The following PRR16 variants were observed in gnomAD, a reference collection of about 807,000 sequenced individuals.
The protein encoded by PRR16 is protein Largen.
A neutral mutation model predicts 18.2 loss-of-function variants in PRR16; 6 were observed. The observed-to-expected ratio is 0.33, with a 90% CI of 0.18 to 0.65. The LOEUF (loss-of-function observed/expected upper bound fraction) is 0.65, where lower values mean the gene tolerates loss of function less well. Among genes scored for constraint, PRR16 ranks in the 30% least tolerant of loss-of-function variants. PRR16 has a pLI of 0.74. For missense variants in PRR16, 412 were observed against 376.6 expected, an observed-to-expected ratio of 1.09 and a Z score of -0.78; for synonymous variants, 151 against 147.8, an observed-to-expected ratio of 1.02 and a Z score of -0.16.
the PRR16 span, among the ~76,000 whole-genome samples, chr5:120,725,302 GT>G: frequency 0.69 from 94,353 of 136,066 alleles, 32,971 homozygotes; most frequent in Non-Finnish European, 0.78. Flanking sequence ...ATTTGATGTT[GT>G]TTTTTTTTTT....
intron 1 of PRR16, among the ~76,000 whole-genome samples, chr5:120,500,535 A>G (rs1750414277): frequency 6.6e-6 from 1 of 152,224 alleles, no homozygotes; most frequent in Admixed American, 6.5e-5. Flanking sequence ...TGTATTTGAT[A>G]ATGAAGACAT....
At chr5:120,634,432 T>C (rs1374223340) in intron 1 of PRR16, among the ~76,000 whole-genome samples, 3 of 152,028 alleles carry the variant, frequency 2.0e-5, no homozygotes, top group Admixed American at 6.6e-5. Context: ...TCAATTGAGG[T>C]GAGGAGCTCA....
chr5:120,636,162 T>G (rs1755220483), intron 1 of PRR16, among the ~76,000 whole-genome samples: 1 of 152,112 alleles, frequency 6.6e-6, no homozygotes, highest in Non-Finnish European at 1.5e-5. Flanking sequence ...ACCATACTCC[T>G]GAATGGGTAG....
chr5:120,559,957 A>G (rs1391940530), intron 1 of PRR16, among the ~76,000 whole-genome samples: 1 of 151,996 alleles, frequency 6.6e-6, no homozygotes, highest in African/African-American at 2.4e-5. Context: ...ATTGGCATAT[A>G]GAAATGCTGA....
chr5:120,603,089 G>A (rs1344784962), intron 1 of PRR16, among the ~76,000 whole-genome samples: 1 of 152,002 alleles, frequency 6.6e-6, no homozygotes, highest in Admixed American at 6.6e-5. Context: ...GAATGAGGTG[G>A]GGAGGAGTTC....
the PRR16 span, among the ~76,000 whole-genome samples, chr5:120,784,029 A>G: frequency 6.6e-6 from 1 of 152,284 alleles, no homozygotes; most frequent in East Asian, 1.9e-4. Context: ...CCATGTAATT[A>G]CAAAGGATAT....
intron 1 of PRR16, among the ~76,000 whole-genome samples, chr5:120,646,048 T>TATATA (rs1755584808): frequency 1.9e-4 from 20 of 104,994 alleles, no homozygotes; most frequent in Admixed American, 1.7e-3. Context: ...AATACATATT[T>TATATA]TATATATATA....
At chr5:120,526,484 C>T (rs528602150) in intron 1 of PRR16, among the ~76,000 whole-genome samples, 48 of 152,220 alleles carry the variant, frequency 3.2e-4, no homozygotes, top group African/African-American at 1.1e-3. Context: ...CTGGCAATAA[C>T]ATGAATTATT....
intron 1 of PRR16, among the ~76,000 whole-genome samples, chr5:120,503,242 G>A (rs1750526356): frequency 1.3e-5 from 2 of 151,914 alleles, no homozygotes; most frequent in Non-Finnish European, 2.9e-5. Flanking sequence ...GATGAGTGAG[G>A]GAAAAGGAGC....
the PRR16 span, among the ~76,000 whole-genome samples, chr5:120,785,024 G>A: frequency 3.3e-5 from 5 of 152,150 alleles, no homozygotes; most frequent in Non-Finnish European, 7.3e-5. Flanking sequence ...TTTGATAAGT[G>A]CAAATAAAAG....
At chr5:120,710,000 A>G in the PRR16 span, among the ~76,000 whole-genome samples, 3 of 152,100 alleles carry the variant, frequency 2.0e-5, no homozygotes, top group Non-Finnish European at 4.4e-5. Context: ...CACCAGTGAG[A>G]TTGCTGGATC....
At chr5:120,747,173 C>G in the PRR16 span, among the ~76,000 whole-genome samples, 1 of 152,046 alleles carries the variant, frequency 6.6e-6, no homozygotes, top group South Asian at 2.1e-4. Context: ...TTTTTTCATA[C>G]AAGACCCCAA....
chr5:120,565,620 A>G (rs1229800691), intron 1 of PRR16, among the ~76,000 whole-genome samples: 2 of 152,234 alleles, frequency 1.3e-5, no homozygotes, highest in Non-Finnish European at 2.9e-5. Context: ...ACTGGTTGCA[A>G]GATCTCTAGC....
intron 1 of PRR16, among the ~76,000 whole-genome samples, chr5:120,477,378 C>A (rs1464143452): frequency 6.6e-6 from 1 of 152,108 alleles, no homozygotes; most frequent in African/African-American, 2.4e-5. Flanking sequence ...CAGTTAACGG[C>A]ATCTCCATCC....
chr5:120,681,227 T>C (rs1241060384), intron 1 of PRR16, among the ~76,000 whole-genome samples: 1 of 152,152 alleles, frequency 6.6e-6, no homozygotes, highest in Non-Finnish European at 1.5e-5. Flanking sequence ...ATTTCTTATT[T>C]TCTGCCTTGT....
intron 1 of PRR16, among the ~76,000 whole-genome samples, chr5:120,670,454 A>G (rs971551004): frequency 1.3e-5 from 2 of 152,156 alleles, no homozygotes; most frequent in African/African-American, 4.8e-5. Flanking sequence ...TTCAAATTTT[A>G]TGTAACTTAT....
chr5:120,739,519 A>G, the PRR16 span, among the ~76,000 whole-genome samples: 2 of 152,174 alleles, frequency 1.3e-5, no homozygotes, highest in Non-Finnish European at 2.9e-5. Flanking sequence ...GTCTTTTAGA[A>G]CAGTATACTG....
At chr5:120,667,050 G>C (rs1756405681) in intron 1 of PRR16, among the ~76,000 whole-genome samples, 2 of 151,430 alleles carry the variant, frequency 1.3e-5, no homozygotes, top group African/African-American at 4.9e-5. Flanking sequence ...GCTCCTCCTT[G>C]TACCTCTGGT....
chr5:120,686,738 A>C lies in PRR16; in HGVS notation c.*29A>C, dbSNP rs763229148. The C allele has an allele frequency of 1.4e-6, 2 of 1,392,152 alleles. No homozygotes were observed. Among genetic ancestry groups the C allele is most frequent in the Non-Finnish European group, 9.5e-7 (1 of 1,056,414 alleles). 86.2% of individuals were successfully genotyped at this position (1,392,152 alleles called of 1,614,324 possible). A position where few individuals can be genotyped will look rare whatever the true frequency, so the allele number is the denominator to read the frequency against. ...ATGCCATTAAAAAAATTGTTTTTTT[A>C]ATTTTCTATATTATAAACATAAAAT... On this transcript the variant is annotated 3_prime_UTR_variant, in exon 2 of 2. Coordinates refer to ENST00000407149, the MANE Select transcript of PRR16 (RefSeq NM_001300783.2).
Sources: gnomAD v4.1 joint callset for allele counts (sites outside exome capture counted in the v4.1 genomes callset) on GRCh38, gnomAD v4.1.1 for gene constraint, MANE v1.5 for transcripts, NCBI Gene and HGNC (gene_info 2026-07-23, HGNC 2026-07-21) for gene names.